The following RUSC2 variants were observed in gnomAD, a reference collection of about 807,000 sequenced individuals.
RUSC2 encodes AP-4 complex accessory subunit RUSC2.
Under a neutral mutation model 122.2 loss-of-function variants are expected in RUSC2, and 34 were observed. The ratio of observed to expected loss-of-function variants is 0.28; its 90% CI spans 0.21 to 0.37. The LOEUF (loss-of-function observed/expected upper bound fraction) is 0.37, where lower values mean the gene tolerates loss of function less well. Ranked by LOEUF, RUSC2 falls within the 10% of genes least tolerant of loss-of-function variation. The pLI is 1.00. For synonymous variants in RUSC2, 784 were observed against 790.0 expected (o/e 0.99, Z 0.13); for missense variants, 1,747 against 1,952.4 (o/e 0.89, Z 1.98).
chr9:35,554,126 G>A (rs1051836693), intron 2 of RUSC2, among the ~76,000 whole-genome samples: 27 of 152,208 alleles, frequency 1.8e-4, no homozygotes, highest in African/African-American at 1.4e-4. Context: ...GGCCGGGTGC[G>A]TGCTTATAGC....
rs1822003904 is a variant in RUSC2 at position 35,555,783 on chromosome 9, ACT to A, written c.2656+86_2656+87del. ...ACCTCCCCTTTGAGTGGTTGCTTACACTCTCACCTGGGGCCAGAGGTTAGGAT... is the reference window on the plus strand; with the variant it reads ...ACCTCCCCTTTGAGTGGTTGCTTACACTCACCTGGGGCCAGAGGTTAGGAT... On this transcript the variant is annotated intron_variant, in intron 3 of 11. Coordinates refer to ENST00000361226, the MANE Select transcript of RUSC2 (RefSeq NM_014806.5). The surrounding 1 kb of genome is among the most constrained non-coding windows in gnomAD (Gnocchi z 4.6). 2 of 1,500,464 alleles carry A rather than the reference ACT, an allele frequency of 1.3e-6. No homozygotes were observed. Among genetic ancestry groups the A allele is most frequent in the African/African-American group, 2.8e-5 (2 of 71,326 alleles). 92.9% of individuals were successfully genotyped at this position (1,500,464 alleles called of 1,614,324 possible). A position where few individuals can be genotyped will look rare whatever the true frequency, so the allele number is the denominator to read the frequency against.
intron 1 of RUSC2, among the ~76,000 whole-genome samples, chr9:35,509,521 C>A (rs977823154): frequency 3.3e-5 from 5 of 152,152 alleles, no homozygotes; most frequent in African/African-American, 1.2e-4. Context: ...TATATATTTT[C>A]CCGAGATGTT....
chr9:35,525,978 A>T (rs536258693), intron 1 of RUSC2, among the ~76,000 whole-genome samples: 1 of 152,274 alleles, frequency 6.6e-6, no homozygotes, highest in East Asian at 1.9e-4. Flanking sequence ...TGTAGTCCCA[A>T]CTGCTTGGGT....
Position 35,490,148 on chromosome 9 carries a change from G to C in RUSC2, c.-117G>C, listed in dbSNP as rs1820534965. On this transcript the variant is annotated 5_prime_UTR_variant, in exon 1 of 12. Coordinates refer to ENST00000361226, the MANE Select transcript of RUSC2 (RefSeq NM_014806.5). ...CGCCGCCGCCGCCGCCGGCGCGGAA[G>C]GACGAGGCTGAGGCGAGAAACGAGG... 6.4e-6 allele frequency: 1 copy of C among 156,832 alleles called. No homozygotes were observed. Among genetic ancestry groups the C allele is most frequent in the African/African-American group, 2.4e-5 (1 of 41,472 alleles). The allele number at this position is 156,832 out of a possible 1,614,324, so 9.7% of individuals were successfully genotyped here. A position where few individuals can be genotyped will look rare whatever the true frequency, so the allele number is the denominator to read the frequency against.
In RUSC2 at chr9:35,547,666, G is replaced by A; in HGVS notation, c.1145G>A (p.Cys382Tyr). The change falls in exon 2 of 12, where the codon TGC becomes TAC. Residue 382 changes from cysteine to tyrosine, a missense_variant. By Grantham distance (194) the Cys-to-Tyr change is radical. Transcript: ENST00000361226. The surrounding 1 kb of genome is among the most constrained non-coding windows in gnomAD (Gnocchi z 4.6). ...CCAGCAGTGGCTGACCTCACAGCCT[G>A]CTTCCAAAGCCAGGCCCGTCTTGTT... ...PCPAVADLTA[C>Y]FQSQARLVVA... 6.2e-7 allele frequency: 1 copy of A among 1,614,190 alleles called. No individual in the cohort carries two copies. Among genetic ancestry groups the A allele is most frequent in the Non-Finnish European group, 8.5e-7 (1 of 1,180,038 alleles).
At chr9:35,491,620 C>G (rs752926026) in intron 1 of RUSC2, among the ~76,000 whole-genome samples, 1 of 152,136 alleles carries the variant, frequency 6.6e-6, no homozygotes, top group African/African-American at 2.4e-5. Context: ...TATCCTTTTC[C>G]GCTTTCTGTC....
At chr9:35,501,553 G>T (rs1355854956) in intron 1 of RUSC2, among the ~76,000 whole-genome samples, 2 of 152,124 alleles carry the variant, frequency 1.3e-5, no homozygotes, top group Non-Finnish European at 1.5e-5. Flanking sequence ...CTCCTGCCTG[G>T]GTGACAGAGT....
chr9:35,536,273 T>C (rs1821525603), intron 1 of RUSC2, among the ~76,000 whole-genome samples: 1 of 152,252 alleles, frequency 6.6e-6, no homozygotes, highest in Non-Finnish European at 1.5e-5. Flanking sequence ...GGAAGTTGTT[T>C]TCTTGTCTGT....
intron 1 of RUSC2, among the ~76,000 whole-genome samples, chr9:35,492,541 G>A (rs1820587880): frequency 6.6e-6 from 1 of 151,690 alleles, no homozygotes; most frequent in Non-Finnish European, 1.5e-5. Flanking sequence ...CATACGAAAC[G>A]AGAGCATCAT....
At position 35,491,166 on chromosome 9, in the gene RUSC2, T is replaced by C. The variant is rs560954854; in HGVS notation, c.-93+994T>C. The stretch of plus-strand genomic sequence containing the variant: ...AAACCTGTTTTTATTTATTCCTAGG[T>C]GGGTGACCTGAGCAGATTTAGTTTC... On this transcript the variant is annotated intron_variant, in intron 1 of 11. Transcript: ENST00000361226. Among the ~76,000 whole-genome samples the C allele has an allele frequency of 2.0e-5, 3 of 151,078 alleles. No homozygotes were observed. The East Asian group carries it at 5.9e-4, about 29-fold the overall frequency.
At chr9:35,498,156 T>C (rs536552110) in intron 1 of RUSC2, among the ~76,000 whole-genome samples, 6 of 91,708 alleles carry the variant, frequency 6.5e-5, no homozygotes, top group African/African-American at 2.2e-4. Context: ...ATTTTAGTTT[T>C]GGTTTTTTTT....
At chr9:35,507,585 C>A in intron 1 of RUSC2, 1 of 220,710 alleles carries the variant, frequency 4.5e-6, no homozygotes, top group South Asian at 7.6e-5. Flanking sequence ...TCCCCAAACC[C>A]ACCAGACTTT....
intron 1 of RUSC2, among the ~76,000 whole-genome samples, chr9:35,497,562 A>T (rs559323232): frequency 6.6e-6 from 1 of 152,314 alleles, no homozygotes; most frequent in Non-Finnish European, 1.5e-5. Flanking sequence ...ATATCCTAAT[A>T]AACACATCTG....
intron 1 of RUSC2, among the ~76,000 whole-genome samples, chr9:35,500,720 A>T (rs935002997): frequency 6.6e-5 from 10 of 152,180 alleles, no homozygotes; most frequent in African/African-American, 2.4e-4. Flanking sequence ...TTTGAAGGAC[A>T]TATCTTATTT....
intron 1 of RUSC2, among the ~76,000 whole-genome samples, chr9:35,491,931 C>T (rs1380899701): frequency 6.6e-6 from 1 of 152,178 alleles, no homozygotes; most frequent in African/African-American, 2.4e-5. Flanking sequence ...TGAGATCATG[C>T]CACTGCACTC....
intron 1 of RUSC2, among the ~76,000 whole-genome samples, chr9:35,491,365 G>A (rs1017085788): frequency 4.6e-5 from 7 of 152,138 alleles, no homozygotes; most frequent in Non-Finnish European, 7.4e-5. Context: ...TTTCTTAGCC[G>A]GCTCCTTAGA....
At chr9:35,504,447 C>G (rs947153569) in intron 1 of RUSC2, among the ~76,000 whole-genome samples, 5 of 149,602 alleles carry the variant, frequency 3.3e-5, no homozygotes, top group African/African-American at 9.8e-5. Flanking sequence ...CTATTAAGAT[C>G]TTAGTTTTTT....
chr9:35,556,219 G>A (rs1283186822), intron 4 of RUSC2, 82 bp downstream of exon 4: 1 of 1,597,088 alleles, frequency 6.3e-7, no homozygotes, highest in East Asian at 2.2e-5. Flanking sequence ...AGTCCCAAAG[G>A]AACGTGTCTC....
At chr9:35,540,968 T>TA (rs918904337) in intron 1 of RUSC2, among the ~76,000 whole-genome samples, 3 of 152,222 alleles carry the variant, frequency 2.0e-5, no homozygotes, top group African/African-American at 7.2e-5. Flanking sequence ...TTAAAAATGT[T>TA]ACAGTACATT....
Sources: gnomAD v4.1 joint callset for allele counts (sites outside exome capture counted in the v4.1 genomes callset) on GRCh38, gnomAD v4.1.1 for gene constraint, Gnocchi (gnomAD v3.1) non-coding constraint, MANE v1.5 for transcripts, NCBI Gene and HGNC (gene_info 2026-07-23, HGNC 2026-07-21) for gene names.